The following IRAK3 variants were observed in gnomAD, a reference collection of about 807,000 sequenced individuals.
The protein encoded by IRAK3 is interleukin-1 receptor-associated kinase 3.
Under a neutral mutation model 56.6 loss-of-function variants are expected in IRAK3, and 57 were observed. That is an observed-to-expected ratio of 1.01 (90% confidence interval 0.81 to 1.26). IRAK3 has a LOEUF of 1.26. Among genes scored for constraint, IRAK3 ranks in the 50% most tolerant of loss-of-function variants. IRAK3 has a pLI of 0.00. For missense variants in IRAK3, 703 were observed against 719.0 expected (o/e 0.98, Z 0.25); for synonymous variants, 258 against 255.7 (o/e 1.01, Z -0.09).
At chr12:66,235,548 G>C (rs1222026206) in intron 8 of IRAK3, among the ~76,000 whole-genome samples, 1 of 151,908 alleles carries the variant, frequency 6.6e-6, no homozygotes, top group Admixed American at 6.6e-5. Context: ...TGCCATGGAC[G>C]GGAGTTCGCG....
chr12:66,222,554 C>T (rs902144475), intron 6 of IRAK3, among the ~76,000 whole-genome samples: 4 of 151,554 alleles, frequency 2.6e-5, no homozygotes, highest in Non-Finnish European at 5.9e-5. Flanking sequence ...TATTTGAGGC[C>T]TCTCAAAAAA....
At chr12:66,195,578 T>G (rs1469681612) in intron 1 of IRAK3, among the ~76,000 whole-genome samples, 1 of 152,216 alleles carries the variant, frequency 6.6e-6, no homozygotes, top group Non-Finnish European at 1.5e-5. Flanking sequence ...AGGAACGTTC[T>G]TCCTGCCAGT....
chr12:66,205,865 G>A (rs1267902221), intron 2 of IRAK3, among the ~76,000 whole-genome samples: 1 of 152,150 alleles, frequency 6.6e-6, no homozygotes, highest in Non-Finnish European at 1.5e-5. Context: ...CTACAATTCA[G>A]GTTGCTGCTG....
intron 2 of IRAK3, among the ~76,000 whole-genome samples, chr12:66,204,365 G>C (rs1024078761): frequency 1.3e-5 from 2 of 151,938 alleles, no homozygotes; most frequent in Non-Finnish European, 2.9e-5. Flanking sequence ...GAATAATCTG[G>C]GGATGTTTCT....
intron 8 of IRAK3, among the ~76,000 whole-genome samples, chr12:66,236,393 A>G (rs1248953916): frequency 9.7e-6 from 1 of 103,012 alleles, no homozygotes; most frequent in Non-Finnish European, 2.0e-5. Context: ...CACTAAAAAT[A>G]CCAAAAAAAA....
intron 10 of IRAK3, 35 bp from the exon 11 acceptor site, chr12:66,245,063 T>C (rs2053013405): frequency 6.2e-7 from 1 of 1,613,800 alleles, no homozygotes; most frequent in African/African-American, 1.3e-5. Context: ...TTTGATCAAG[T>C]TCTCTGTGAT....
At chr12:66,205,094 C>CA (rs749356098) in intron 2 of IRAK3, among the ~76,000 whole-genome samples, 18 of 152,274 alleles carry the variant, frequency 1.2e-4, no homozygotes, top group Non-Finnish European at 2.1e-4. Context: ...CTTTCCCAGC[C>CA]ACTGAAACCA....
chr12:66,217,708 C>T (rs897514175), intron 6 of IRAK3, among the ~76,000 whole-genome samples: 4 of 152,134 alleles, frequency 2.6e-5, no homozygotes, highest in South Asian at 2.1e-4. Context: ...GAAATGACTT[C>T]GTTTTCATAT....
intron 8 of IRAK3, among the ~76,000 whole-genome samples, chr12:66,233,886 G>T (rs2052873004): frequency 1.3e-5 from 2 of 148,892 alleles, no homozygotes; most frequent in Admixed American, 6.8e-5. Context: ...ATGAATTTAA[G>T]GTTTTTATGC....
chr12:66,228,734 G>A (rs984426415), intron 8 of IRAK3, among the ~76,000 whole-genome samples: 1 of 152,084 alleles, frequency 6.6e-6, no homozygotes, highest in Non-Finnish European at 1.5e-5. Flanking sequence ...CATACTTTGA[G>A]TATCCCCATA....
rs903445464 is a variant in IRAK3, at chr12:66,249,283, C to A, written c.*1112C>A. Reference sequence around the variant, plus strand: ...GGTTCACGCCATTCTCCTGCCTCAGCCTCCCGAGTAAAGGTGGGACTACAG... The same window carrying A: ...GGTTCACGCCATTCTCCTGCCTCAGACTCCCGAGTAAAGGTGGGACTACAG... On this transcript the variant is annotated 3_prime_UTR_variant, in exon 12 of 12. Transcript: ENST00000261233. 2 of 152,200 alleles carry A rather than the reference C, an allele frequency of 1.3e-5. No homozygotes were observed. Among genetic ancestry groups the A allele is most frequent in the African/African-American group, 4.8e-5 (2 of 41,430 alleles). The allele number at this position is 152,200 out of a possible 1,614,324, so 9.4% of individuals were successfully genotyped here. A position where few individuals can be genotyped will look rare whatever the true frequency, so the allele number is the denominator to read the frequency against.
chr12:66,245,171 C>T lies in IRAK3; in HGVS notation c.1223C>T (p.Pro408Leu), dbSNP rs574242281. The T allele has an allele frequency of 3.5e-5, 57 of 1,614,150 alleles. No homozygotes were observed. The South Asian group carries it at 5.7e-4, about 16-fold the overall frequency. ...CTCTCATTTCTAGATAAGAAAGTGCCTCCCTGCCCTCGGAATTTCTCTGCC... is the reference window on the plus strand; with the variant it reads ...CTCTCATTTCTAGATAAGAAAGTGCTTCCCTGCCCTCGGAATTTCTCTGCC... ...SCLSFLDKKV[P>L]PCPRNFSAKL... Residue 408 changes from proline to leucine, a missense_variant, in exon 11 of 12, where the codon CCT becomes CTT. Pro to Leu is a moderately conservative substitution (Grantham distance 98, BLOSUM62 -3). Coordinates refer to ENST00000261233, the MANE Select transcript of IRAK3 (RefSeq NM_007199.3).
chr12:66,247,540 G>A (rs142289709), intron 11 of IRAK3, among the ~76,000 whole-genome samples, 155 bp from the exon 12 acceptor site: 42 of 152,302 alleles, frequency 2.8e-4, no homozygotes, highest in Admixed American at 1.4e-3. Flanking sequence ...AATAAAGGGC[G>A]TTAGCTAATC....
At chr12:66,197,040 G>C (rs2136914079) in intron 1 of IRAK3, 1 of 1,527,994 alleles carries the variant, frequency 6.5e-7, no homozygotes, top group East Asian at 2.5e-5. Context: ...TTCTGCAACT[G>C]AAAACAGTCA....
At chr12:66,225,360 CTA>C (rs781186264) in intron 6 of IRAK3, among the ~76,000 whole-genome samples, 90 of 151,592 alleles carry the variant, frequency 5.9e-4, no homozygotes, top group South Asian at 1.5e-3. Context: ...AAAAACTTCT[CTA>C]TGTGTATTGT....
chr12:66,228,195 A>T, intron 7 of IRAK3, 57 bp from the exon 8 acceptor site: 1 of 1,151,584 alleles, frequency 8.7e-7, no homozygotes, highest in Non-Finnish European at 1.3e-6. Flanking sequence ...CATAATGAAT[A>T]CATAGGTAGT....
rs561536955 is a variant in IRAK3 at position 66,244,194 on chromosome 12, TTC to T, written c.888-288_888-287del. ...GAAAGCTGTTTTGGTTAACTTCAGT[TTC>T]TCTTAGTGAGAAAGCATCAGCTTTA... On this transcript the variant is annotated intron_variant, in intron 8 of 11. Coordinates refer to ENST00000261233, the MANE Select transcript of IRAK3 (RefSeq NM_007199.3). Among the ~76,000 whole-genome samples the T allele has an allele frequency of 1.1e-4, 17 of 152,360 alleles. No individual in the cohort carries two copies. The South Asian group carries it at 3.5e-3, about 32-fold the overall frequency.
intron 7 of IRAK3, among the ~76,000 whole-genome samples, chr12:66,227,744 G>A (rs1281392720): frequency 2.1e-5 from 3 of 144,688 alleles, no homozygotes; most frequent in African/African-American, 5.1e-5. Context: ...TGGGTGACAC[G>A]GAGTGAGACC....
intron 7 of IRAK3, among the ~76,000 whole-genome samples, chr12:66,227,602 T>C (rs528853076): frequency 1.7e-4 from 26 of 150,862 alleles, no homozygotes; most frequent in Middle Eastern, 3.2e-3. Flanking sequence ...AATAAATAAA[T>C]AAACAAACAA....
Sources: allele counts gnomAD v4.1 joint callset (sites outside exome capture counted in the v4.1 genomes callset), GRCh38; gene constraint gnomAD v4.1.1; transcripts MANE v1.5; gene names NCBI Gene and HGNC (gene_info 2026-07-23, HGNC 2026-07-21).